RNF145: variants seen among roughly 807,000 people sequenced by gnomAD.
RNF145 encodes the protein ring finger protein 145.
A neutral mutation model predicts 57.3 loss-of-function variants in RNF145; 12 were observed. The ratio of observed to expected loss-of-function variants is 0.21; its 90% CI spans 0.13 to 0.34. The LOEUF (loss-of-function observed/expected upper bound fraction) is 0.34, where lower values mean the gene tolerates loss of function less well. RNF145 is among the 10% of genes least tolerant of loss of function. The probability of loss-of-function intolerance (pLI) is 1.00; values close to 1 mark genes in which losing one functional copy is unlikely to be tolerated. For missense variants in RNF145, 429 were observed against 799.0 expected (o/e 0.54, Z 5.58); for synonymous variants, 262 against 288.3 (o/e 0.91, Z 0.92).
At position 159,169,830 on chromosome 5, in the gene RNF145, A is replaced by G; in HGVS notation, c.798-11T>C. The G allele has an allele frequency of 1.3e-6, 2 of 1,588,874 alleles. No individual in the cohort carries two copies. Among genetic ancestry groups the G allele is most frequent in the Non-Finnish European group, 1.7e-6 (2 of 1,171,422 alleles). On this transcript the variant is annotated splice_polypyrimidine_tract_variant and intron_variant, in intron 6 of 10. Coordinates refer to ENST00000424310, the MANE Select transcript of RNF145 (RefSeq NM_001199383.2). ...CAGCATTCCGCAATACTGGAAAAAA[A>G]GAGGGGGAAATTAACAGACATAAAC...
In RNF145 at chr5:159,203,654, G is replaced by C; in HGVS notation, c.-37C>G. The C allele has an allele frequency of 6.4e-7, 1 of 1,567,504 alleles. No individual in the cohort carries two copies. Among genetic ancestry groups the C allele is most frequent in the East Asian group, 2.2e-5 (1 of 44,644 alleles). On this transcript the variant is annotated splice_region_variant and 5_prime_UTR_variant, in exon 2 of 11. Coordinates refer to ENST00000424310, the MANE Select transcript of RNF145 (RefSeq NM_001199383.2). ...TTTTCTTTTTTTTTTTCTTGGAGAA[G>C]ACCTAAAATTCAGAAGACACAATAT...
intron 5 of RNF145, among the ~76,000 whole-genome samples, chr5:159,175,752 C>T (rs553082140): frequency 6.6e-6 from 1 of 152,228 alleles, no homozygotes; most frequent in South Asian, 2.1e-4. Flanking sequence ...AAAGTATTCT[C>T]AAAGATCTGC....
chr5:159,191,472 A>G (rs896320138), intron 3 of RNF145, among the ~76,000 whole-genome samples: 8 of 152,210 alleles, frequency 5.3e-5, no homozygotes, highest in Non-Finnish European at 1.0e-4. Context: ...TTTGCCTACT[A>G]TAAAATTTTA....
intron 3 of RNF145, among the ~76,000 whole-genome samples, chr5:159,188,318 C>A (rs1365137061): frequency 6.6e-6 from 1 of 151,390 alleles, no homozygotes; most frequent in Non-Finnish European, 1.5e-5. Context: ...ACCCAGGAGG[C>A]GGAGCTTGCA....
At chr5:159,182,141 A>G (rs1337481280) in intron 3 of RNF145, 90 bp from the exon 4 acceptor site, 1 of 700,094 alleles carries the variant, frequency 1.4e-6, no homozygotes. Flanking sequence ...TGTTAATGAT[A>G]CCCCTTTCCA....
intron 1 of RNF145, chr5:159,208,274 C>T (rs1785973507): frequency 2.0e-5 from 12 of 596,112 alleles, no homozygotes; most frequent in Admixed American, 8.8e-5. Context: ...AAAAACTCTT[C>T]CAGGAAAGAG....
At chr5:159,183,312 A>C (rs929347640) in intron 3 of RNF145, among the ~76,000 whole-genome samples, 5 of 152,198 alleles carry the variant, frequency 3.3e-5, no homozygotes, top group African/African-American at 4.8e-5. Context: ...GATATTCTAC[A>C]ACCTCTGGAA....
At chr5:159,160,963 CGTGTGAGT>C (rs1784196153) in intron 10 of RNF145, among the ~76,000 whole-genome samples, 1 of 152,032 alleles carries the variant, frequency 6.6e-6, no homozygotes. Flanking sequence ...TTCAATAGTC[CGTGTGAGT>C]GTGTATTCAG....
chr5:159,207,570 C>T (rs964368629), intron 1 of RNF145: 1 of 1,592,972 alleles, frequency 6.3e-7, no homozygotes, highest in Non-Finnish European at 8.5e-7. Flanking sequence ...GGCTGTCCAT[C>T]GGTTAGGATG....
At chr5:159,203,275 T>C (rs191701557) in intron 2 of RNF145, among the ~76,000 whole-genome samples, 159 bp downstream of exon 2, 6 of 152,306 alleles carry the variant, frequency 3.9e-5, no homozygotes, top group Admixed American at 3.3e-4. Flanking sequence ...TCATGTGCAA[T>C]GATAAGACAA....
intron 5 of RNF145, 34 bp from the exon 6 acceptor site, chr5:159,174,192 C>A: frequency 1.4e-6 from 2 of 1,474,120 alleles, no homozygotes; most frequent in South Asian, 1.3e-5. Context: ...AAACTTCTTG[C>A]ATCACCATCA....
At chr5:159,209,820 C>G (rs1421341979), upstream of RNF145, 1 of 1,533,846 alleles carries the variant, frequency 6.5e-7, no homozygotes, top group Admixed American at 2.0e-5. Context: ...CTCCCAAACA[C>G]CACGGGCCGC....
intron 1 of RNF145, chr5:159,207,598 T>C: frequency 1.3e-6 from 2 of 1,593,386 alleles, no homozygotes; most frequent in Non-Finnish European, 1.7e-6. Flanking sequence ...TCACTGAAAA[T>C]GTTAAGAGCA....
chr5:159,203,129 G>T (rs1562077412), intron 2 of RNF145, among the ~76,000 whole-genome samples: 1 of 152,088 alleles, frequency 6.6e-6, no homozygotes, highest in African/African-American at 2.4e-5. Context: ...CAAATTAGAA[G>T]GGGCCAAATG....
intron 8 of RNF145, 35 bp from the exon 9 acceptor site, chr5:159,163,114 T>C (rs770952739): frequency 8.3e-6 from 13 of 1,561,284 alleles, no homozygotes; most frequent in Non-Finnish European, 1.1e-5. Context: ...TTTAAGTGCC[T>C]GCCACCTAGT....
At position 159,165,616 on chromosome 5, in the gene RNF145, G is replaced by A. The variant is rs1158963872; in HGVS notation, c.1122-2537C>T. Reference sequence around the variant, plus strand: ...GAGAATGGCGTGAACCCGGGAGGCGGAGCTTGCAGTGAGCCGAGATCCCGC... The same window carrying A: ...GAGAATGGCGTGAACCCGGGAGGCGAAGCTTGCAGTGAGCCGAGATCCCGC... On this transcript the variant is annotated intron_variant, in intron 8 of 10. Coordinates refer to ENST00000424310, the MANE Select transcript of RNF145 (RefSeq NM_001199383.2). 6.6e-5 allele frequency among the ~76,000 whole-genome samples: 2 copies of A among 30,336 alleles called. 1 individual carries two copies. The highest frequency in any genetic ancestry group is 1.0e-4 in the Non-Finnish European group (2 of 19,416). The allele number at this position is 30,336 out of a possible 152,430, so 19.9% of individuals were successfully genotyped here.
At chr5:159,207,104 T>G (rs765352947) in intron 1 of RNF145, among the ~76,000 whole-genome samples, 1 of 152,202 alleles carries the variant, frequency 6.6e-6, no homozygotes, top group Non-Finnish European at 1.5e-5. Context: ...TAATGTCTTG[T>G]AGAAGTATAA....
upstream of RNF145, chr5:159,210,032 G>GAATGAA: frequency 2.8e-6 from 2 of 708,178 alleles, no homozygotes; most frequent in Non-Finnish European, 4.9e-6. Context: ...CCCCTGTGGA[G>GAATGAA]TAAGTGACTG....
At chr5:159,170,379 C>T (rs1313127404) in intron 6 of RNF145, among the ~76,000 whole-genome samples, 1 of 151,972 alleles carries the variant, frequency 6.6e-6, no homozygotes, top group African/African-American at 2.4e-5. Context: ...AAAGCATGCC[C>T]AATAATTTGC....
Sources: allele counts gnomAD v4.1 joint callset (sites outside exome capture counted in the v4.1 genomes callset), GRCh38; gene constraint gnomAD v4.1.1; transcripts MANE v1.5; gene names NCBI Gene and HGNC (gene_info 2026-07-23, HGNC 2026-07-21).